The following LRMDA variants were observed in gnomAD, a reference collection of about 807,000 sequenced individuals.
LRMDA encodes leucine-rich melanocyte differentiation-associated protein.
A neutral mutation model predicts 29.8 loss-of-function variants in LRMDA; 18 were observed. That is an observed-to-expected ratio of 0.60 (90% CI 0.42 to 0.90). LRMDA has a LOEUF of 0.90. Among genes scored for constraint, LRMDA ranks in the 40% least tolerant of loss-of-function variants. LRMDA has a pLI of 0.00. For missense variants in LRMDA, 273 were observed against 273.9 expected, an observed-to-expected ratio of 1.00 and a Z score of 0.02; for synonymous variants, 125 against 109.4, an observed-to-expected ratio of 1.14 and a Z score of -0.89.
At position 76,125,641 on chromosome 10, in the gene LRMDA, G is replaced by A. The variant is rs542662214; in HGVS notation, c.516+66858G>A. ...AGGTAGGGGGAGAGGCTCCCAAAAG[G>A]TGGGGTCTGTCACCTAGAGGAGGAG... On this transcript the variant is annotated intron_variant, in intron 5 of 6. Transcript: ENST00000611255. Among the ~76,000 whole-genome samples the A allele has an allele frequency of 6.6e-5, 10 of 152,260 alleles. No individual in the cohort carries two copies. The South Asian group carries it at 1.9e-3, about 28-fold the overall frequency.
intron 5 of LRMDA, among the ~76,000 whole-genome samples, chr10:76,212,410 A>G (rs928594781): frequency 3.3e-5 from 5 of 152,148 alleles, no homozygotes; most frequent in East Asian, 1.9e-4. Flanking sequence ...TTCACACTCA[A>G]AAGATTTTTT....
chr10:75,692,976 G>A (rs1842190308), intron 2 of LRMDA, among the ~76,000 whole-genome samples: 1 of 152,170 alleles, frequency 6.6e-6, no homozygotes, highest in Admixed American at 6.5e-5. Context: ...ATGTGTGAGA[G>A]TGGGTGCCTG....
chr10:75,836,747 T>C (rs1844443679), intron 2 of LRMDA, among the ~76,000 whole-genome samples: 1 of 152,218 alleles, frequency 6.6e-6, no homozygotes, highest in Non-Finnish European at 1.5e-5. Context: ...TTAAATACCA[T>C]GCTTTCAAAC....
chr10:76,538,739 A>G (rs866110505), intron 6 of LRMDA, among the ~76,000 whole-genome samples: 6 of 152,006 alleles, frequency 3.9e-5, no homozygotes, highest in African/African-American at 1.4e-4. Flanking sequence ...ATTGAAAGAA[A>G]ATGTCTTGTA....
At chr10:75,995,115 G>A (rs1420535128) in intron 2 of LRMDA, among the ~76,000 whole-genome samples, 2 of 152,156 alleles carry the variant, frequency 1.3e-5, no homozygotes, top group African/African-American at 2.4e-5. Flanking sequence ...CCAGATAGAT[G>A]GGAATAAAAA....
At chr10:75,835,349 G>A (rs185867818) in intron 2 of LRMDA, among the ~76,000 whole-genome samples, 35 of 152,108 alleles carry the variant, frequency 2.3e-4, no homozygotes, top group African/African-American at 7.5e-4. Flanking sequence ...TGTTTTCTCC[G>A]ACTCTGACTC....
At chr10:76,025,196 G>A (rs929455802) in intron 2 of LRMDA, among the ~76,000 whole-genome samples, 4 of 151,348 alleles carry the variant, frequency 2.6e-5, no homozygotes, top group African/African-American at 7.3e-5. Flanking sequence ...ACCAGGGTGG[G>A]AAAAAGACAG....
At chr10:76,550,828 A>C (rs1324764761) in intron 6 of LRMDA, among the ~76,000 whole-genome samples, 3 of 152,068 alleles carry the variant, frequency 2.0e-5, no homozygotes, top group Non-Finnish European at 4.4e-5. Context: ...AGACCTTTTA[A>C]AGTCTCTCTT....
chr10:75,970,836 A>T (rs1208517891), intron 2 of LRMDA, among the ~76,000 whole-genome samples: 1 of 152,184 alleles, frequency 6.6e-6, no homozygotes, highest in African/African-American at 2.4e-5. Flanking sequence ...CTTGAGTCCT[A>T]ACTTCCATAA....
chr10:75,939,706 C>G (rs950849357), intron 2 of LRMDA, among the ~76,000 whole-genome samples: 1 of 152,114 alleles, frequency 6.6e-6, no homozygotes, highest in East Asian at 1.9e-4. Flanking sequence ...AGTGTGCAGT[C>G]AGTACTCTCA....
At chr10:76,379,615 T>G (rs910923185) in intron 6 of LRMDA, among the ~76,000 whole-genome samples, 1 of 152,148 alleles carries the variant, frequency 6.6e-6, no homozygotes, top group African/African-American at 2.4e-5. Context: ...CTCTTTTTTC[T>G]TGTTTAGCTA....
chr10:76,414,139 T>C (rs1431698199), intron 6 of LRMDA, among the ~76,000 whole-genome samples: 1 of 152,244 alleles, frequency 6.6e-6, no homozygotes, highest in Admixed American at 6.5e-5. Flanking sequence ...ACATGCTTTT[T>C]AAGTTATCTG....
chr10:76,143,213 A>G (rs4598620), intron 5 of LRMDA, among the ~76,000 whole-genome samples: 105,771 of 152,030 alleles, frequency 0.7, 37,398 homozygotes, highest in East Asian at 0.85. Flanking sequence ...ACCTAGTAAT[A>G]GGATGGCTGG....
intron 2 of LRMDA, among the ~76,000 whole-genome samples, chr10:75,468,537 T>G (rs1440953997): frequency 6.6e-6 from 1 of 152,194 alleles, no homozygotes; most frequent in African/African-American, 2.4e-5. Flanking sequence ...GTGGCCCCAG[T>G]GCTCATGGGT....
chr10:76,534,842 A>G (rs903945557), intron 6 of LRMDA, among the ~76,000 whole-genome samples: 6 of 152,222 alleles, frequency 3.9e-5, no homozygotes, highest in East Asian at 1.9e-4. Context: ...AAAATTTGCA[A>G]ACCTGAACTA....
intron 6 of LRMDA, among the ~76,000 whole-genome samples, chr10:76,455,129 T>G (rs567788856): frequency 1.3e-5 from 2 of 152,240 alleles, no homozygotes; most frequent in African/African-American, 4.8e-5. Flanking sequence ...TAGAAGAAAT[T>G]GTCTCCTAGA....
chr10:75,556,200 C>T lies in LRMDA; in HGVS notation c.131+117706C>T, dbSNP rs557681777. On this transcript the variant is annotated intron_variant, in intron 2 of 6. Coordinates refer to ENST00000611255, the MANE Select transcript of LRMDA (RefSeq NM_001305581.2). ...CAGGATTAATTTAATGAAAACCACA[C>T]CCAGGCGCATCTTGGTTAAACTTCC... 2.0e-5 allele frequency among the ~76,000 whole-genome samples: 3 copies of T among 152,074 alleles called. No homozygotes were observed. The East Asian group carries it at 5.8e-4, about 29-fold the overall frequency.
intron 2 of LRMDA, among the ~76,000 whole-genome samples, chr10:75,810,911 T>C (rs2132271281): frequency 6.6e-6 from 1 of 152,312 alleles, no homozygotes. Context: ...GAATGTACTA[T>C]TGTATTCAGT....
At chr10:75,463,397 C>A (rs1844611570) in intron 2 of LRMDA, among the ~76,000 whole-genome samples, 1 of 152,132 alleles carries the variant, frequency 6.6e-6, no homozygotes, top group Non-Finnish European at 1.5e-5. Flanking sequence ...TCCATTCCTC[C>A]CACAGACTGT....
Sources: allele counts gnomAD v4.1 joint callset (sites outside exome capture counted in the v4.1 genomes callset), GRCh38; gene constraint gnomAD v4.1.1; transcripts MANE v1.5; gene names NCBI Gene and HGNC (gene_info 2026-07-23, HGNC 2026-07-21).